Variants in VWA8 observed in about 807,000 individuals in gnomAD.
VWA8 encodes von Willebrand factor A domain-containing protein 8.
Under a neutral mutation model 241.5 loss-of-function variants are expected in VWA8, and 221 were observed. That is an observed-to-expected ratio of 0.91 (90% CI 0.82 to 1.02). The LOEUF (loss-of-function observed/expected upper bound fraction) is 1.02. Among genes scored for constraint, VWA8 ranks in the 50% least tolerant of loss-of-function variants. The pLI, the probability that VWA8 is intolerant of heterozygous loss-of-function variation, is 0.00. For synonymous variants in VWA8, 852 were observed against 827.1 expected, an observed-to-expected ratio of 1.03 and a Z score of -0.52; for missense variants, 2,322 against 2,328.7, an observed-to-expected ratio of 1.00 and a Z score of 0.06.
intron 12 of VWA8, among the ~76,000 whole-genome samples, chr13:41,855,086 A>T (rs182336232): frequency 2.0e-5 from 3 of 152,154 alleles, no homozygotes; most frequent in African/African-American, 2.4e-5. Context: ...AGTCGTGATT[A>T]AAAAATGTGA....
chr13:41,617,440 G>T (rs749725336), intron 37 of VWA8, among the ~76,000 whole-genome samples: 1 of 152,038 alleles, frequency 6.6e-6, no homozygotes. Context: ...TAAATAATAA[G>T]AAGATACTTT....
intron 21 of VWA8, among the ~76,000 whole-genome samples, chr13:41,743,296 G>C (rs1454342840): frequency 1.3e-5 from 2 of 152,214 alleles, no homozygotes; most frequent in African/African-American, 2.4e-5. Flanking sequence ...CAATAGTTCA[G>C]GCAAGAAAAG....
intron 26 of VWA8, among the ~76,000 whole-genome samples, chr13:41,715,720 A>G (rs553270530): frequency 6.6e-6 from 1 of 152,192 alleles, no homozygotes; most frequent in African/African-American, 2.4e-5. Flanking sequence ...TGTTACAAAG[A>G]TATTTCCAAT....
intron 2 of VWA8, among the ~76,000 whole-genome samples, chr13:41,936,864 C>T (rs1332466454): frequency 6.6e-6 from 1 of 152,106 alleles, no homozygotes; most frequent in Non-Finnish European, 1.5e-5. Flanking sequence ...ACCATAAATA[C>T]AGTCATGCAC....
chr13:41,919,410 G>A (rs1411599624), intron 2 of VWA8, among the ~76,000 whole-genome samples: 2 of 152,166 alleles, frequency 1.3e-5, no homozygotes, highest in African/African-American at 4.8e-5. Context: ...GCTACTCCCA[G>A]AGAACAAACC....
chr13:41,848,488 A>G (rs1214000357), intron 12 of VWA8, among the ~76,000 whole-genome samples: 1 of 152,154 alleles, frequency 6.6e-6, no homozygotes, highest in Non-Finnish European at 1.5e-5. Flanking sequence ...TGACTGGATC[A>G]TGGGGGTGGT....
intron 2 of VWA8, among the ~76,000 whole-genome samples, chr13:41,924,253 G>A (rs1876716913): frequency 6.6e-6 from 1 of 151,998 alleles, no homozygotes; most frequent in Non-Finnish European, 1.5e-5. Flanking sequence ...GGAGAATGCA[G>A]TCAATGAAAT....
intron 9 of VWA8, among the ~76,000 whole-genome samples, chr13:41,882,204 T>G: frequency 2.9e-5 from 4 of 135,790 alleles, no homozygotes; most frequent in South Asian, 2.5e-4. Flanking sequence ...TCTCAGACGA[T>G]GGGCGGCCGG....
chr13:41,834,231 T>C (rs1256638903), intron 12 of VWA8, among the ~76,000 whole-genome samples: 1 of 152,216 alleles, frequency 6.6e-6, no homozygotes, highest in East Asian at 1.9e-4. Flanking sequence ...CATATAAAAG[T>C]TTATCTACTG....
At chr13:41,672,032 G>C (rs547013843) in intron 36 of VWA8, among the ~76,000 whole-genome samples, 7 of 152,216 alleles carry the variant, frequency 4.6e-5, no homozygotes, top group Middle Eastern at 6.8e-3. Context: ...TCCTGACAGT[G>C]GACGACACTA....
At chr13:41,920,505 T>A (rs1876468918) in intron 2 of VWA8, among the ~76,000 whole-genome samples, 2 of 151,712 alleles carry the variant, frequency 1.3e-5, no homozygotes, top group Admixed American at 6.6e-5. Flanking sequence ...CAGAAGCTGG[T>A]TTTTTGAAAA....
intron 2 of VWA8, among the ~76,000 whole-genome samples, chr13:41,918,825 T>C (rs1405977743): frequency 3.3e-5 from 5 of 152,108 alleles, no homozygotes; most frequent in East Asian, 1.9e-4. Context: ...CACATATACA[T>C]AGTCATTTTT....
intron 9 of VWA8, among the ~76,000 whole-genome samples, chr13:41,873,647 C>T (rs1873753206): frequency 6.6e-6 from 1 of 152,166 alleles, no homozygotes; most frequent in Non-Finnish European, 1.5e-5. Context: ...GAAGTTGAAT[C>T]TCTGAATAGA....
intron 2 of VWA8, among the ~76,000 whole-genome samples, chr13:41,924,566 T>C (rs1158482675): frequency 6.6e-6 from 1 of 152,042 alleles, no homozygotes; most frequent in East Asian, 1.9e-4. Flanking sequence ...TTATGGGATA[T>C]TCAGATGGAG....
intron 13 of VWA8, among the ~76,000 whole-genome samples, chr13:41,832,251 CA>C (rs1385358417): frequency 6.6e-6 from 1 of 152,048 alleles, no homozygotes; most frequent in Non-Finnish European, 1.5e-5. Flanking sequence ...TTTTAATTGC[CA>C]CCCTGCAAGG....
intron 9 of VWA8, among the ~76,000 whole-genome samples, chr13:41,877,890 T>A (rs1873974824): frequency 6.6e-6 from 1 of 152,096 alleles, no homozygotes; most frequent in South Asian, 2.1e-4. Context: ...CAGAAACATG[T>A]TTTTAGAGTA....
chr13:41,570,445 C>G, intron 44 of VWA8, 23 bp downstream of exon 44: 5 of 1,602,476 alleles, frequency 3.1e-6, no homozygotes, highest in Non-Finnish European at 4.3e-6. Flanking sequence ...CTGCCCTTTT[C>G]TGTATGCTCA....
At chr13:41,782,502 T>G (rs1868934312) in intron 19 of VWA8, among the ~76,000 whole-genome samples, 1 of 152,218 alleles carries the variant, frequency 6.6e-6, no homozygotes, top group Admixed American at 6.5e-5. Flanking sequence ...TTGTGTCTTA[T>G]AAGTAGCTTT....
At chr13:41,773,387 AT>A (rs1224103758) in intron 20 of VWA8, among the ~76,000 whole-genome samples, 6 of 152,232 alleles carry the variant, frequency 3.9e-5, no homozygotes, top group Non-Finnish European at 8.8e-5. Context: ...GAAACAAGGC[AT>A]TTTTTAAAAC....
Sources: allele counts gnomAD v4.1 joint callset (sites outside exome capture counted in the v4.1 genomes callset), GRCh38; gene constraint gnomAD v4.1.1; transcripts MANE v1.5; gene names NCBI Gene and HGNC (gene_info 2026-07-23, HGNC 2026-07-21).